The following MYT1L variants were observed in gnomAD, a reference collection of about 807,000 sequenced individuals.
MYT1L encodes myelin transcription factor 1-like protein.
MYT1L carries 12 observed loss-of-function variants against 126.7 expected under a neutral mutation model. The observed-to-expected ratio is 0.09, with a 90% CI of 0.06 to 0.15. MYT1L has a LOEUF of 0.15. Among genes scored for constraint, MYT1L ranks in the 10% least tolerant of loss-of-function variants. The probability of loss-of-function intolerance (pLI) is 1.00; values close to 1 mark genes in which losing one functional copy is unlikely to be tolerated. For missense variants in MYT1L, 979 were observed against 1,585.2 expected, an observed-to-expected ratio of 0.62 and a Z score of 6.49; for synonymous variants, 541 against 604.2, an observed-to-expected ratio of 0.90 and a Z score of 1.53.
Position 2,330,330 on chromosome 2 carries a change from C to G in MYT1L, c.-521+637G>C, listed in dbSNP as rs1193961511. On this transcript the variant is annotated intron_variant, in intron 1 of 24. Transcript: ENST00000647738. ...CTCTATATTTTATATAGCTAACTTT[C>G]ATATAAATATTTACATATATATTTT... Among the ~76,000 whole-genome samples the G allele has an allele frequency of 5.3e-5, 8 of 152,128 alleles. No homozygotes were observed. The East Asian group carries it at 1.5e-3, about 29-fold the overall frequency.
intron 3 of MYT1L, among the ~76,000 whole-genome samples, chr2:2,055,941 A>G (rs2069482024): frequency 6.6e-6 from 1 of 152,222 alleles, no homozygotes; most frequent in South Asian, 2.1e-4. Flanking sequence ...AAAAGGTAAC[A>G]AGGAGGAAGA....
chr2:1,979,619 A>G lies in MYT1L; in HGVS notation c.56-65T>C. 9.3e-6 allele frequency: 15 copies of G among 1,604,958 alleles called. No homozygotes were observed. Among genetic ancestry groups the G allele is most frequent in the Non-Finnish European group, 1.3e-5 (15 of 1,171,746 alleles). On this transcript the variant is annotated intron_variant, in intron 6 of 24. Coordinates refer to ENST00000647738, the MANE Select transcript of MYT1L (RefSeq NM_001303052.2). The surrounding 1 kb of genome is among the most constrained non-coding windows in gnomAD (Gnocchi z 4.0). ...CACAAGCGACCCTCTTCCACAGAAA[A>G]TTACCAAAAGGGTGGCATGAAAGTG... is the stretch of plus-strand genomic sequence containing the variant.
chr2:1,868,368 G>T (rs1251691978), intron 18 of MYT1L, among the ~76,000 whole-genome samples: 1 of 152,200 alleles, frequency 6.6e-6, no homozygotes, highest in African/African-American at 2.4e-5. Flanking sequence ...CTTAGGCAAA[G>T]AATCTCCTTT....
At chr2:2,106,817 TC>T (rs2078821288) in intron 3 of MYT1L, among the ~76,000 whole-genome samples, 1 of 152,156 alleles carries the variant, frequency 6.6e-6, no homozygotes, top group African/African-American at 2.4e-5. Context: ...ATTCAGTATG[TC>T]CAAGGTGGTG....
chr2:2,269,189 C>T (rs2095207893), intron 2 of MYT1L, among the ~76,000 whole-genome samples: 1 of 152,170 alleles, frequency 6.6e-6, no homozygotes, highest in Non-Finnish European at 1.5e-5. Context: ...TTCCCACACA[C>T]TTATTTTAGA....
chr2:1,922,683 C>T lies in MYT1L; in HGVS notation c.1086G>A (p.Arg362=), dbSNP rs372686210. ...QQNMNIRQHV[R]PEEDFPGRTP... ...TCCTTCCGGGGAAGTCCTCTTCTGG[C>T]CGGACATGCTGACGGATGTTCATGT... The change falls in exon 10 of 25, where the codon CGG becomes CGA. Residue 362 remains arginine, a synonymous_variant. Coordinates refer to ENST00000647738, the MANE Select transcript of MYT1L (RefSeq NM_001303052.2). The surrounding 1 kb of genome is among the most constrained non-coding windows in gnomAD (Gnocchi z 7.4). The T allele has an allele frequency of 6.2e-7, 1 of 1,613,650 alleles. No homozygotes were observed. The highest frequency in any genetic ancestry group is 2.2e-5 in the East Asian group (1 of 44,880).
chr2:2,148,697 T>G (rs1048696432), intron 3 of MYT1L, among the ~76,000 whole-genome samples: 2 of 152,196 alleles, frequency 1.3e-5, no homozygotes, highest in Non-Finnish European at 2.9e-5. Flanking sequence ...AACAGACATC[T>G]CACAGAAATA....
At chr2:2,019,588 G>C (rs1215925531) in intron 4 of MYT1L, among the ~76,000 whole-genome samples, 1 of 152,116 alleles carries the variant, frequency 6.6e-6, no homozygotes, top group African/African-American at 2.4e-5. Flanking sequence ...AGACTTCATG[G>C]ATAACACTCA....
rs184579087 is a variant in MYT1L at position 2,300,309 on chromosome 2, C to G, written c.-520-15806G>C. On this transcript the variant is annotated intron_variant, in intron 1 of 24. Transcript: ENST00000647738. ...TACTTACTATGGAGAAGATCGCATG[C>G]TCATGTAACCTAAATAACTTTAATA... is the stretch of plus-strand genomic sequence containing the variant. Among the ~76,000 whole-genome samples, 351 of 152,284 alleles carry G rather than the reference C, an allele frequency of 2.3e-3. 4 individuals are homozygous for G. The highest frequency in any genetic ancestry group is 2.7e-3 in the Non-Finnish European group (184 of 68,034).
At chr2:2,036,884 G>A (rs977562710) in intron 4 of MYT1L, among the ~76,000 whole-genome samples, 11 of 152,088 alleles carry the variant, frequency 7.2e-5, no homozygotes, top group African/African-American at 2.7e-4. Flanking sequence ...AAGACTCATT[G>A]TGCCTGTCAC....
At chr2:2,307,205 G>C (rs1009758454) in intron 1 of MYT1L, among the ~76,000 whole-genome samples, 1 of 152,180 alleles carries the variant, frequency 6.6e-6, no homozygotes, top group Non-Finnish European at 1.5e-5. Flanking sequence ...AAAGAGTGGG[G>C]TAAGGTGTTG....
chr2:1,895,373 G>T (rs7579818), intron 14 of MYT1L, among the ~76,000 whole-genome samples: 21,077 of 152,064 alleles, frequency 0.14, 1,748 homozygotes, highest in East Asian at 0.3. Context: ...AAATTTCTAT[G>T]AAATCAAAAA....
intron 8 of MYT1L, among the ~76,000 whole-genome samples, chr2:1,950,104 A>G (rs1426595304): frequency 1.3e-5 from 2 of 151,992 alleles, no homozygotes; most frequent in East Asian, 3.9e-4. Context: ...TGTGATGTAG[A>G]TTCTGCTGTA....
chr2:2,122,872 T>TGAGAGAGAGAGA (rs57060194), intron 3 of MYT1L, among the ~76,000 whole-genome samples: 1 of 132,988 alleles, frequency 7.5e-6, no homozygotes, highest in African/African-American at 3.0e-5. Context: ...TGTGTGTGTG[T>TGAGAGAGAGAGA]GAGAGAGAGA....
At chr2:2,152,238 A>G (rs1244882769) in intron 3 of MYT1L, among the ~76,000 whole-genome samples, 2 of 152,278 alleles carry the variant, frequency 1.3e-5, no homozygotes, top group African/African-American at 4.8e-5. Context: ...ACTGCTGGGT[A>G]GCCCACAGGG....
chr2:2,107,791 G>C (rs1033488482), intron 3 of MYT1L, among the ~76,000 whole-genome samples: 2 of 152,140 alleles, frequency 1.3e-5, no homozygotes, highest in African/African-American at 4.8e-5. Flanking sequence ...GAATGAGAGA[G>C]GACAGGAAGT....
intron 3 of MYT1L, among the ~76,000 whole-genome samples, chr2:2,088,536 T>C (rs1030632518): frequency 6.6e-6 from 1 of 152,016 alleles, no homozygotes; most frequent in Non-Finnish European, 1.5e-5. Context: ...TCCCAGGCAC[T>C]GGTGGTGGAT....
At chr2:2,143,728 T>C (rs1396297799) in intron 3 of MYT1L, among the ~76,000 whole-genome samples, 1 of 152,074 alleles carries the variant, frequency 6.6e-6, no homozygotes, top group African/African-American at 2.4e-5. Flanking sequence ...GAGCTTACTC[T>C]ACACAAACTT....
chr2:1,890,539 TGA>T (rs952096658), intron 15 of MYT1L, among the ~76,000 whole-genome samples: 6 of 152,008 alleles, frequency 3.9e-5, no homozygotes, highest in African/African-American at 1.5e-4. Context: ...AGGTACAGGG[TGA>T]GGCTCTTTCA....
Sources: allele counts gnomAD v4.1 joint callset (sites outside exome capture counted in the v4.1 genomes callset), GRCh38; gene constraint gnomAD v4.1.1; non-coding constraint Gnocchi (gnomAD v3.1); transcripts MANE v1.5; gene names NCBI Gene and HGNC (gene_info 2026-07-23, HGNC 2026-07-21).